ASXL1: variants seen among roughly 807,000 people sequenced by gnomAD.
The protein encoded by ASXL1 is polycomb group protein ASXL1.
A neutral mutation model predicts 89.1 loss-of-function variants in ASXL1; 65 were observed. The ratio of observed to expected loss-of-function variants is 0.73; its 90% CI spans 0.60 to 0.90. ASXL1 has a LOEUF of 0.90. Ranked by LOEUF, ASXL1 falls within the 40% of genes least tolerant of loss-of-function variation. ASXL1 has a pLI of 0.00. For missense variants in ASXL1, 1,786 were observed against 1,942.9 expected (o/e 0.92, Z 1.52); for synonymous variants, 739 against 746.9 (o/e 0.99, Z 0.17).
intron 10 of ASXL1, among the ~76,000 whole-genome samples, chr20:32,432,061 TATTA>T (rs988230353): frequency 1.3e-5 from 2 of 152,242 alleles, no homozygotes; most frequent in African/African-American, 2.4e-5. Context: ...TGTTAGCTTC[TATTA>T]ATTTAATTTT....
intron 4 of ASXL1, among the ~76,000 whole-genome samples, chr20:32,411,995 C>T (rs2049056755): frequency 1.3e-5 from 2 of 152,166 alleles, no homozygotes; most frequent in African/African-American, 4.8e-5. Context: ...TACTTACCTG[C>T]TTTCTGACCC....
chr20:32,399,929 T>G (rs1268239007), intron 4 of ASXL1, among the ~76,000 whole-genome samples: 1 of 151,780 alleles, frequency 6.6e-6, no homozygotes, highest in Non-Finnish European at 1.5e-5. Flanking sequence ...GCCTGGCTCA[T>G]TTTTGTATTT....
intron 4 of ASXL1, among the ~76,000 whole-genome samples, chr20:32,375,937 C>T (rs2048370951): frequency 6.6e-6 from 1 of 152,156 alleles, no homozygotes; most frequent in Non-Finnish European, 1.5e-5. Flanking sequence ...CCCACCTCAG[C>T]CTCCCAAAGT....
At chr20:32,388,922 T>C (rs1278909139) in intron 4 of ASXL1, among the ~76,000 whole-genome samples, 1 of 152,212 alleles carries the variant, frequency 6.6e-6, no homozygotes, top group Non-Finnish European at 1.5e-5. Context: ...GAGTTTGTGT[T>C]CCTTTAAAGA....
intron 1 of ASXL1, among the ~76,000 whole-genome samples, chr20:32,364,389 G>A (rs1448218003): frequency 6.7e-6 from 1 of 149,114 alleles, no homozygotes; most frequent in Non-Finnish European, 1.5e-5. Flanking sequence ...CTAGTTTTTT[G>A]TATTTTTTTG....
At position 32,360,976 on chromosome 20, in the gene ASXL1, A is replaced by G. The variant is rs763546051; in HGVS notation, c.57+2144A>G. Among the ~76,000 whole-genome samples, 251 of 152,180 alleles carry G rather than the reference A, an allele frequency of 1.6e-3. 2 individuals carry two copies. The highest frequency in any genetic ancestry group is 0.01 in the Middle Eastern group (3 of 292). ...TGGTCAGGCTGGTCTCGAACTCGTG[A>G]CCTTAGGTTATCCGCCCACCTTGGC... On this transcript the variant is annotated intron_variant, in intron 1 of 12. Transcript: ENST00000375687.
In ASXL1 at chr20:32,435,038, G is replaced by A; in HGVS notation, c.2326G>A (p.Val776Met). ...SSQTSVAERLVEQPQLHPDVR... is the reference protein window; with the variant it reads ...SSQTSVAERLMEQPQLHPDVR... The stretch of plus-strand genomic sequence containing the variant: ...CCAAACCTCAGTAGCTGAGAGATTA[G>A]TGGAGCAGCCTCAGTTGCATCCGGA... Residue 776 changes from valine to methionine, a missense_variant, in exon 13 of 13, where the codon GTG (valine) becomes ATG (methionine). Val to Met is a conservative substitution (Grantham distance 21). Transcript: ENST00000375687. The A allele has an allele frequency of 6.2e-7, 1 of 1,614,182 alleles. No homozygotes were observed. The highest frequency in any genetic ancestry group is 8.5e-7 in the Non-Finnish European group (1 of 1,180,038).
Position 32,436,932 on chromosome 20 carries a change from A to G in ASXL1, c.4220A>G (p.Asp1407Gly). The G allele has an allele frequency of 6.2e-7, 1 of 1,614,150 alleles. No individual in the cohort carries two copies. Among genetic ancestry groups the G allele is most frequent in the Middle Eastern group, 1.6e-4 (1 of 6,062 alleles). Reference protein sequence around the residue: ...GHLEGMPFVMDLPFWKLPREP... With the variant: ...GHLEGMPFVMGLPFWKLPREP... ...TTGGAAGGGATGCCCTTTGTCATGG[A>G]CTTGCCCTTCTGGAAATTACCCCGA... The change falls in exon 13 of 13, where the codon GAC becomes GGC. Residue 1407 changes from aspartate to glycine, a missense_variant. Physicochemically the swap from Asp to Gly is moderately conservative, Grantham distance 94. Around this residue, in one of 3 missense-constraint regions of ASXL1, gnomAD observed 1,418 missense variants for 1,427.8 expected, o/e 0.99. Transcript: ENST00000375687.
intron 2 of ASXL1, among the ~76,000 whole-genome samples, chr20:32,367,456 G>A (rs1471304383): frequency 6.6e-6 from 1 of 152,140 alleles, no homozygotes; most frequent in Non-Finnish European, 1.5e-5. Context: ...TCCTTGCCTG[G>A]GACTCAGAGC....
rs2011844924 is a variant in ASXL1 at position 32,436,122 on chromosome 20, C to T, written c.3410C>T (p.Pro1137Leu). 3.1e-6 allele frequency: 5 copies of T among 1,614,186 alleles called. No homozygotes were observed. The highest frequency in any genetic ancestry group is 4.2e-6 in the Non-Finnish European group (5 of 1,180,042). The change falls in exon 13 of 13, where the codon CCA (proline) becomes CTA (leucine). Residue 1137 changes from proline to leucine, a missense_variant. Coordinates refer to ENST00000375687, the MANE Select transcript of ASXL1 (RefSeq NM_015338.6). ...DDSMSESPQV[P>L]LTKDQSHGSL... is the part of the protein sequence containing the mutation. ...AGCATGTCAGAATCCCCACAAGTAC[C>T]ACTTACAAAAGACCAGAGCCATGGC...
intron 4 of ASXL1, among the ~76,000 whole-genome samples, chr20:32,382,459 T>G (rs1249740451): frequency 6.6e-6 from 1 of 152,038 alleles, no homozygotes; most frequent in African/African-American, 2.4e-5. Context: ...GTTAGAGTTT[T>G]GAACTTTGAT....
At chr20:32,362,043 G>A (rs1468553784) in intron 1 of ASXL1, among the ~76,000 whole-genome samples, 1 of 152,096 alleles carries the variant, frequency 6.6e-6, no homozygotes, top group Non-Finnish European at 1.5e-5. Context: ...CACTCCAGCG[G>A]CGACAGTGAG....
At chr20:32,372,029 A>G in intron 4 of ASXL1, 1 of 1,093,814 alleles carries the variant, frequency 9.1e-7, no homozygotes, top group South Asian at 1.4e-5. Flanking sequence ...AAGGATAATT[A>G]CTTTTTTCTA....
chr20:32,372,328 T>G, intron 4 of ASXL1: 1 of 1,186,568 alleles, frequency 8.4e-7, no homozygotes, highest in East Asian at 4.1e-5. Context: ...TAACTGCCTT[T>G]GGCTTTATGT....
intron 4 of ASXL1, among the ~76,000 whole-genome samples, chr20:32,420,040 C>T (rs1433850333): frequency 1.4e-5 from 2 of 144,600 alleles, no homozygotes; most frequent in Non-Finnish European, 3.0e-5. Context: ...TTGATTTTTC[C>T]TTTTTTTTTT....
chr20:32,379,948 C>T (rs1270679116), intron 4 of ASXL1, among the ~76,000 whole-genome samples: 1 of 150,218 alleles, frequency 6.7e-6, no homozygotes, highest in African/African-American at 2.5e-5. Context: ...AACCCTTTTC[C>T]TGTTTAGAAT....
At chr20:32,398,836 C>T (rs563167842) in intron 4 of ASXL1, among the ~76,000 whole-genome samples, 13 of 151,544 alleles carry the variant, frequency 8.6e-5, no homozygotes, top group Admixed American at 2.6e-4. Context: ...GTCTCGATCT[C>T]CTGACCTCGT....
intron 4 of ASXL1, among the ~76,000 whole-genome samples, chr20:32,372,947 T>TG (rs1471609261): frequency 6.8e-6 from 1 of 146,668 alleles, no homozygotes; most frequent in East Asian, 2.0e-4. Context: ...TTCTTTTTCT[T>TG]TTTTTTTTTT....
Position 32,437,317 on chromosome 20 carries a change from A to G in ASXL1, c.4605A>G (p.Val1535=), listed in dbSNP as rs373222874. The G allele has an allele frequency of 2.7e-5, 44 of 1,613,942 alleles. No homozygotes were observed. The highest frequency in any genetic ancestry group is 4.0e-5 in the African/African-American group (3 of 74,922). ...GTATTGGACCCTCAAAGCTCTGTGT[A>G]TTGTGCCTTGTGGTGAGATAATAAA... is the stretch of plus-strand genomic sequence containing the variant. ...DDCIGPSKLC[V]LCLVVR The change falls in exon 13 of 13, where the codon GTA becomes GTG. Residue 1535 remains valine (V), a synonymous_variant. Transcript: ENST00000375687.
Sources: gnomAD v4.1 joint callset for allele counts (sites outside exome capture counted in the v4.1 genomes callset) on GRCh38, gnomAD v4.1.1 for gene constraint, gnomAD v4.1.1 regional missense constraint, MANE v1.5 for transcripts, NCBI Gene and HGNC (gene_info 2026-07-23, HGNC 2026-07-21) for gene names.